PPIP5K2: variants seen among roughly 807,000 people sequenced by gnomAD.
PPIP5K2 encodes inositol hexakisphosphate and diphosphoinositol-pentakisphosphate kinase 2.
PPIP5K2 carries 105 observed loss-of-function variants against 154.6 expected under a neutral mutation model. The ratio of observed to expected loss-of-function variants is 0.68; its 90% CI spans 0.58 to 0.80. PPIP5K2 has a LOEUF of 0.80. Among genes scored for constraint, PPIP5K2 ranks in the 30% least tolerant of loss-of-function variants. PPIP5K2 has a pLI of 0.00. For missense variants in PPIP5K2, 992 were observed against 1,504.6 expected, an observed-to-expected ratio of 0.66 and a Z score of 5.64; for synonymous variants, 480 against 490.3, an observed-to-expected ratio of 0.98 and a Z score of 0.28.
rs1288429731 is a variant in PPIP5K2, at chr5:103,151,298, T to C, written c.952T>C (p.Tyr318His). ...FDLLRANGQS[Y>H]VCDVNGFSFV... is the part of the protein sequence containing the mutation. ...TTTGTTACGGGCCAATGGACAGTCC[T>C]ATGTCTGTGATGTCAATGGCTTCAG... Residue 318 changes from tyrosine to histidine, a missense_variant, in exon 9 of 31, where the codon TAT becomes CAT. Transcript: ENST00000358359. 3 of 1,610,608 alleles carry C rather than the reference T, an allele frequency of 1.9e-6. No homozygotes were observed. The South Asian group carries it at 3.3e-5, about 18-fold the overall frequency.
At chr5:103,160,386 AT>A (rs1335842697) in intron 17 of PPIP5K2, among the ~76,000 whole-genome samples, 2 of 152,042 alleles carry the variant, frequency 1.3e-5, no homozygotes, top group African/African-American at 4.8e-5. Flanking sequence ...TACTTTGGCT[AT>A]TTTTTAAGGT....
Position 103,158,620 on chromosome 5 carries a change from TTG to T in PPIP5K2, c.1737+49_1737+50del, listed in dbSNP as rs782584133. On this transcript the variant is annotated intron_variant, in intron 16 of 30. Transcript: ENST00000358359. ...AATTATTAGAGTTTTTAATCTAATA[TTG>T]TATCTTAAAACATTTTTGGCTGGGC... The T allele has an allele frequency of 2.0e-6, 3 of 1,475,334 alleles. No individual in the cohort carries two copies. The African/African-American group carries it at 4.3e-5, about 21-fold the overall frequency. 91.4% of individuals were successfully genotyped at this position (1,475,334 alleles called of 1,614,324 possible).
chr5:103,149,178 C>G lies in PPIP5K2; in HGVS notation c.771C>G (p.Ala257=), dbSNP rs781963274. The G allele has an allele frequency of 6.2e-7, 1 of 1,613,316 alleles. No individual in the cohort carries two copies. Among genetic ancestry groups the G allele is most frequent in the Non-Finnish European group, 8.5e-7 (1 of 1,179,634 alleles). Residue 257 remains alanine (A), a synonymous_variant, in exon 8 of 31, where the codon GCC becomes GCG. Coordinates refer to ENST00000358359, the MANE Select transcript of PPIP5K2 (RefSeq NM_001276277.3). The part of the protein sequence containing the change: ...VKVYTVGPDY[A]HAEARKSPAL... ...TTTATACAGTGGGTCCAGATTATGCCCATGCTGAAGCTCGAAAATCTCCAG... is the reference window on the plus strand; with the variant it reads ...TTTATACAGTGGGTCCAGATTATGCGCATGCTGAAGCTCGAAAATCTCCAG...
In PPIP5K2 at chr5:103,125,663, T is replaced by C. The variant is rs143572549; in HGVS notation, c.-284-3643T>C. Among the ~76,000 whole-genome samples the C allele has an allele frequency of 1.6e-3, 250 of 152,308 alleles. 2 individuals carry two copies. The Middle Eastern group carries it at 0.02, about 12-fold the overall frequency. On this transcript the variant is annotated intron_variant, in intron 1 of 30. Transcript: ENST00000358359. ...TTTCTTGTTTGTTTGAGACAGAGTC[T>C]CACTCTGTTGCCCAGGCTGGAGTGC...
intron 8 of PPIP5K2, among the ~76,000 whole-genome samples, chr5:103,150,821 A>G (rs993804530): frequency 6.9e-6 from 1 of 145,384 alleles, no homozygotes; most frequent in African/African-American, 2.5e-5. Context: ...TGTCCTCAAA[A>G]CTATTCTCCA....
intron 21 of PPIP5K2, among the ~76,000 whole-genome samples, chr5:103,175,038 A>C (rs1414065091): frequency 3.3e-5 from 5 of 152,114 alleles, no homozygotes; most frequent in African/African-American, 4.8e-5. Flanking sequence ...AAACTAGCCA[A>C]AAGATAAGAA....
intron 1 of PPIP5K2, among the ~76,000 whole-genome samples, chr5:103,127,768 C>A (rs1241678414): frequency 6.6e-6 from 1 of 152,138 alleles, no homozygotes; most frequent in African/African-American, 2.4e-5. Flanking sequence ...ACAGATGTAC[C>A]TGACTCCAGA....
chr5:103,193,588 G>A (rs1221728629), intron 29 of PPIP5K2, among the ~76,000 whole-genome samples: 2 of 151,894 alleles, frequency 1.3e-5, no homozygotes, highest in African/African-American at 4.8e-5. Context: ...AAATATGCAA[G>A]CAGAAAAGGG....
At chr5:103,177,036 G>A (rs927572119) in intron 21 of PPIP5K2, 23 of 602,846 alleles carry the variant, frequency 3.8e-5, no homozygotes, top group African/African-American at 3.4e-4. Flanking sequence ...GGAAAAAATG[G>A]CATTCCTGTT....
In PPIP5K2 at chr5:103,209,826, A is replaced by T. The variant is rs1554232486; in HGVS notation, c.*8192A>T. 1 of 152,126 alleles carries T rather than the reference A, an allele frequency of 6.6e-6. No individual in the cohort carries two copies. Among genetic ancestry groups the T allele is most frequent in the African/African-American group, 2.4e-5 (1 of 41,422 alleles). The allele number at this position is 152,126 out of a possible 1,614,324, so 9.4% of individuals were successfully genotyped here. A position where few individuals can be genotyped will look rare whatever the true frequency, so the allele number is the denominator to read the frequency against. ...GGAGGGGTGAGACAGAGAACAAAAG[A>T]ACACAGGCTCTACTGTTAACAAAAA... is the stretch of plus-strand genomic sequence containing the variant. On this transcript the variant is annotated 3_prime_UTR_variant, in exon 31 of 31. Transcript: ENST00000358359.
intron 17 of PPIP5K2, among the ~76,000 whole-genome samples, chr5:103,162,627 C>T (rs1554216342): frequency 6.6e-6 from 1 of 151,996 alleles, no homozygotes; most frequent in Non-Finnish European, 1.5e-5. Context: ...CATCCCAAGG[C>T]TTTGGAATTA....
At chr5:103,189,329 G>A in intron 28 of PPIP5K2, 2 of 886,238 alleles carry the variant, frequency 2.3e-6, no homozygotes, top group South Asian at 1.8e-5. Context: ...AAAGATAAGT[G>A]GAAAAAAATG....
At chr5:103,142,791 A>AT (rs1462985668) in intron 5 of PPIP5K2, among the ~76,000 whole-genome samples, 1 of 151,564 alleles carries the variant, frequency 6.6e-6, no homozygotes, top group African/African-American at 2.4e-5. Flanking sequence ...AAAAAAAAAA[A>AT]TTCAAGAAAT....
chr5:103,184,804 A>G lies in PPIP5K2; in HGVS notation c.3169+60A>G, dbSNP rs17155118. On this transcript the variant is annotated intron_variant, in intron 26 of 30. Transcript: ENST00000358359. ...TTCTTAAACTCACTATTGTGCACAC[A>G]TGTAAAACTCTTTGGTGAAAGCATG... The G allele has an allele frequency of 2.5e-3, 3,310 of 1,323,322 alleles. 54 individuals carry two copies. The African/African-American group carries it at 0.044, about 18-fold the overall frequency. The allele number at this position is 1,323,322 out of a possible 1,614,324, so 82.0% of individuals were successfully genotyped here.
At chr5:103,182,477 T>C (rs180927198) in intron 24 of PPIP5K2, among the ~76,000 whole-genome samples, 7 of 152,302 alleles carry the variant, frequency 4.6e-5, no homozygotes, top group Admixed American at 4.6e-4. Context: ...ATCATCTCCA[T>C]GGATATAAGA....
At chr5:103,180,619 G>A (rs1554222448) in intron 24 of PPIP5K2, among the ~76,000 whole-genome samples, 1 of 152,024 alleles carries the variant, frequency 6.6e-6, no homozygotes, top group Non-Finnish European at 1.5e-5. Flanking sequence ...GGAGGCCGAG[G>A]CGGGTGGATC....
intron 23 of PPIP5K2, among the ~76,000 whole-genome samples, 173 bp from the exon 24 acceptor site, chr5:103,179,848 A>G (rs1182959397): frequency 1.1e-4 from 16 of 152,164 alleles, no homozygotes; most frequent in African/African-American, 3.9e-4. Context: ...TTTCCCTCAT[A>G]GTACACAGCA....
intron 5 of PPIP5K2, among the ~76,000 whole-genome samples, chr5:103,143,148 A>G (rs896863283): frequency 9.9e-5 from 15 of 152,226 alleles, no homozygotes; most frequent in Non-Finnish European, 1.3e-4. Context: ...AAAAACCTGT[A>G]ACAGATACAC....
chr5:103,197,916 A>G (rs1802368697), intron 30 of PPIP5K2, among the ~76,000 whole-genome samples: 1 of 151,708 alleles, frequency 6.6e-6, no homozygotes, highest in African/African-American at 2.4e-5. Flanking sequence ...TAAATTAATT[A>G]TTTTAATTAT....
Sources: allele counts gnomAD v4.1 joint callset (sites outside exome capture counted in the v4.1 genomes callset), GRCh38; gene constraint gnomAD v4.1.1; transcripts MANE v1.5; gene names NCBI Gene and HGNC (gene_info 2026-07-23, HGNC 2026-07-21).